Variants in SPATS2L observed in about 807,000 individuals in gnomAD.
SPATS2L encodes the protein spermatogenesis associated serine rich 2 like, also known as SPATS2-like protein.
Under a neutral mutation model 59.6 loss-of-function variants are expected in SPATS2L, and 30 were observed. The ratio of observed to expected loss-of-function variants is 0.50; its 90% confidence interval spans 0.38 to 0.68. SPATS2L has a LOEUF of 0.68. Among genes scored for constraint, SPATS2L ranks in the 30% least tolerant of loss-of-function variants. The pLI, the probability that SPATS2L is intolerant of heterozygous loss-of-function variation, is 0.00. For synonymous variants in SPATS2L, 252 were observed against 263.5 expected (o/e 0.96, Z 0.42); for missense variants, 615 against 700.0 (o/e 0.88, Z 1.37).
chr2:200,361,715 TTC>T (rs1470988044), intron 2 of SPATS2L, among the ~76,000 whole-genome samples: 4 of 152,376 alleles, frequency 2.6e-5, no homozygotes, highest in African/African-American at 9.6e-5. Context: ...GCATGCACTT[TTC>T]TACATCCTCT....
At chr2:200,418,790 T>C (rs2083181418) in intron 5 of SPATS2L, among the ~76,000 whole-genome samples, 1 of 152,110 alleles carries the variant, frequency 6.6e-6, no homozygotes, top group Non-Finnish European at 1.5e-5. Context: ...TTTTCCCTAG[T>C]AGTCCTCCCC....
intron 2 of SPATS2L, among the ~76,000 whole-genome samples, chr2:200,361,084 C>T (rs2081088376): frequency 8.1e-6 from 1 of 122,836 alleles, no homozygotes; most frequent in South Asian, 2.7e-4. Context: ...ACCCCACCCC[C>T]CCACACACAC....
intron 5 of SPATS2L, 41 bp downstream of exon 5, chr2:200,416,469 CA>C: frequency 8.6e-7 from 1 of 1,160,132 alleles, no homozygotes; most frequent in Non-Finnish European, 1.2e-6. Context: ...CATCTTCAAT[CA>C]AAACCTTCAT....
At chr2:200,464,830 A>C (rs1040333381) in intron 9 of SPATS2L, among the ~76,000 whole-genome samples, 2 of 152,200 alleles carry the variant, frequency 1.3e-5, no homozygotes, top group African/African-American at 4.8e-5. Context: ...ACCTCATTTC[A>C]TCTTCCTACT....
intron 8 of SPATS2L, among the ~76,000 whole-genome samples, chr2:200,442,187 T>G (rs1440669465): frequency 6.6e-6 from 1 of 152,178 alleles, no homozygotes; most frequent in African/African-American, 2.4e-5. Context: ...ACTCCAAGAA[T>G]ATGTTTGAGT....
intron 3 of SPATS2L, chr2:200,389,772 T>G (rs1235072114): frequency 3.9e-5 from 6 of 153,036 alleles, no homozygotes; most frequent in African/African-American, 1.4e-4. Flanking sequence ...GCCTTTGAAG[T>G]TTCTTTCAAC....
chr2:200,360,215 C>G (rs2081051268), intron 2 of SPATS2L, among the ~76,000 whole-genome samples: 1 of 152,202 alleles, frequency 6.6e-6, no homozygotes, highest in African/African-American at 2.4e-5. Flanking sequence ...CTGGTCCACC[C>G]AAGTCCATTT....
Position 200,306,935 on chromosome 2 carries a change from C to T in SPATS2L, c.-73+13C>T, listed in dbSNP as rs905303847. On this transcript the variant is annotated intron_variant, in intron 1 of 12. Coordinates refer to ENST00000409140, the MANE Select transcript of SPATS2L (RefSeq NM_001100423.2). ...GCTCGACACAGAGGTAAGCCCAGGA[C>T]CCCCTCCACGCCGGGCCGGCTGGGG... The T allele has an allele frequency of 1.1e-4, 108 of 982,202 alleles. No homozygotes were observed. The South Asian group carries it at 1.5e-3, about 14-fold the overall frequency. 60.8% of individuals were successfully genotyped at this position (982,202 alleles called of 1,614,324 possible).
At chr2:200,313,697 C>T (rs1226957809) in intron 1 of SPATS2L, among the ~76,000 whole-genome samples, 2 of 152,200 alleles carry the variant, frequency 1.3e-5, no homozygotes, top group African/African-American at 4.8e-5. Context: ...CTGGTCTTAG[C>T]AGGCAGCTCC....
chr2:200,422,315 T>C (rs754685061), intron 6 of SPATS2L, among the ~76,000 whole-genome samples: 10 of 152,132 alleles, frequency 6.6e-5, no homozygotes, highest in African/African-American at 2.2e-4. Flanking sequence ...GGCGGGAGGA[T>C]TGTTTGAGCC....
intron 3 of SPATS2L, among the ~76,000 whole-genome samples, chr2:200,402,239 C>T (rs1177341532): frequency 6.6e-6 from 1 of 152,198 alleles, no homozygotes; most frequent in Non-Finnish European, 1.5e-5. Context: ...CATCATGTTC[C>T]TCCCCTGAGT....
chr2:200,319,877 C>G (rs2079507806), intron 1 of SPATS2L, among the ~76,000 whole-genome samples: 1 of 152,166 alleles, frequency 6.6e-6, no homozygotes, highest in African/African-American at 2.4e-5. Flanking sequence ...ATTTATCCTT[C>G]TACATTTTGT....
intron 9 of SPATS2L, among the ~76,000 whole-genome samples, chr2:200,462,355 G>A (rs1041463679): frequency 3.9e-5 from 6 of 152,160 alleles, no homozygotes; most frequent in South Asian, 2.1e-4. Context: ...GTAAACACAC[G>A]CGCTTCCTTG....
chr2:200,392,556 T>A (rs2105932874), intron 3 of SPATS2L, among the ~76,000 whole-genome samples: 1 of 152,300 alleles, frequency 6.6e-6, no homozygotes, highest in African/African-American at 2.4e-5. Flanking sequence ...GTGGTTTGAT[T>A]TAAGATTTTT....
At chr2:200,380,716 T>C (rs1368145262) in intron 2 of SPATS2L, among the ~76,000 whole-genome samples, 2 of 152,272 alleles carry the variant, frequency 1.3e-5, no homozygotes, top group Non-Finnish European at 2.9e-5. Flanking sequence ...AATTTTTTTC[T>C]GACATTTGCC....
At chr2:200,395,103 G>GTGTACAGCTTAATAGTCAC (rs1263450707) in intron 3 of SPATS2L, among the ~76,000 whole-genome samples, 1 of 152,150 alleles carries the variant, frequency 6.6e-6, no homozygotes, top group Non-Finnish European at 1.5e-5. Context: ...GATGATTTCA[G>GTGTACAGCTTAATAGTCAC]TGTACAGCTT....
At chr2:200,339,575 T>C (rs1192304212) in intron 2 of SPATS2L, among the ~76,000 whole-genome samples, 1 of 152,172 alleles carries the variant, frequency 6.6e-6, no homozygotes, top group Non-Finnish European at 1.5e-5. Context: ...TTAGAATAGA[T>C]TCAGTACCTA....
At chr2:200,408,780 C>T (rs983876999) in intron 3 of SPATS2L, among the ~76,000 whole-genome samples, 8 of 152,342 alleles carry the variant, frequency 5.3e-5, no homozygotes, top group African/African-American at 1.9e-4. Flanking sequence ...GCCTGAGGCG[C>T]CATGGGGCAG....
chr2:200,375,664 C>T (rs1472572857), intron 2 of SPATS2L, among the ~76,000 whole-genome samples: 1 of 152,152 alleles, frequency 6.6e-6, no homozygotes, highest in African/African-American at 2.4e-5. Context: ...CTTACTCTGT[C>T]ATCCAGGCTG....
Sources: allele counts gnomAD v4.1 joint callset (sites outside exome capture counted in the v4.1 genomes callset), GRCh38; gene constraint gnomAD v4.1.1; transcripts MANE v1.5; gene names NCBI Gene and HGNC (gene_info 2026-07-23, HGNC 2026-07-21).